Variants in PRKG1 observed in about 807,000 individuals in gnomAD.
PRKG1 encodes protein kinase cGMP-dependent 1, also known as cGMP-dependent protein kinase 1.
In PRKG1, 35 loss-of-function variants were observed where a neutral mutation model predicts 88.1. The ratio of observed to expected loss-of-function variants is 0.40; its 90% CI spans 0.30 to 0.53. The LOEUF (loss-of-function observed/expected upper bound fraction) is 0.53, where lower values mean the gene tolerates loss of function less well. Among genes scored for constraint, PRKG1 ranks in the 20% least tolerant of loss-of-function variants. The pLI, the probability that PRKG1 is intolerant of heterozygous loss-of-function variation, is 0.59. For synonymous variants in PRKG1, 303 were observed against 292.5 expected (o/e 1.04, Z -0.37); for missense variants, 540 against 839.8 (o/e 0.64, Z 4.41).
rs567195172 is a variant in PRKG1, at chr10:51,977,758, A to T, written c.762+70188A>T. On this transcript the variant is annotated intron_variant, in intron 5 of 17. Coordinates refer to ENST00000373980, the MANE Select transcript of PRKG1 (RefSeq NM_006258.4). The stretch of plus-strand genomic sequence containing the variant: ...TTTTTTTCATATGCTTATTGGCTGA[A>T]TATGTGTCTTCTTTTGAAAAGTGTT... Among the ~76,000 whole-genome samples the T allele has an allele frequency of 5.3e-5, 8 of 152,050 alleles. No homozygotes were observed. The East Asian group carries it at 1.5e-3, about 29-fold the overall frequency.
intron 1 of PRKG1, among the ~76,000 whole-genome samples, chr10:51,039,731 T>C (rs2132756231): frequency 6.6e-6 from 1 of 152,286 alleles, no homozygotes; most frequent in African/African-American, 2.4e-5. Flanking sequence ...GTTTGAGGTT[T>C]TACATTTAAG....
chr10:51,970,711 G>T (rs569259709), intron 5 of PRKG1, among the ~76,000 whole-genome samples: 27 of 136,142 alleles, frequency 2.0e-4, no homozygotes, highest in African/African-American at 7.9e-4. Flanking sequence ...TATATCATCT[G>T]ATATATATAT....
At chr10:51,562,660 T>C (rs1837497793) in intron 3 of PRKG1, among the ~76,000 whole-genome samples, 1 of 152,164 alleles carries the variant, frequency 6.6e-6, no homozygotes, top group Non-Finnish European at 1.5e-5. Context: ...TTGTCACAGC[T>C]GGAGTCTCTT....
intron 3 of PRKG1, among the ~76,000 whole-genome samples, chr10:51,737,740 A>AATTATTATT (rs200144590): frequency 0.01 from 1,390 of 133,146 alleles, 21 homozygotes; most frequent in Middle Eastern, 0.018. Flanking sequence ...TTTATTTATT[A>AATTATTATT]ATTATTATTA....
chr10:51,823,329 G>A (rs1361599006), intron 4 of PRKG1, among the ~76,000 whole-genome samples: 5 of 152,068 alleles, frequency 3.3e-5, no homozygotes, highest in Admixed American at 6.5e-5. Flanking sequence ...AATTTTAATG[G>A]AACTCATTAA....
chr10:51,285,873 C>G (rs1651525929), intron 2 of PRKG1, among the ~76,000 whole-genome samples: 1 of 152,174 alleles, frequency 6.6e-6, no homozygotes, highest in Non-Finnish European at 1.5e-5. Flanking sequence ...GAAGCAGGTG[C>G]AGCCGTAATT....
intron 2 of PRKG1, among the ~76,000 whole-genome samples, chr10:51,348,977 T>C (rs1209333788): frequency 2.0e-5 from 3 of 152,198 alleles, no homozygotes; most frequent in African/African-American, 7.2e-5. Flanking sequence ...AATAGCTCAC[T>C]TGGCGGCATT....
chr10:51,873,036 A>G (rs867968099), intron 4 of PRKG1, among the ~76,000 whole-genome samples: 1 of 152,166 alleles, frequency 6.6e-6, no homozygotes. Context: ...AGGAAGATGC[A>G]GTAAAACACT....
intron 3 of PRKG1, chr10:51,697,513 C>T (rs1841328057): frequency 3.2e-6 from 2 of 616,680 alleles, no homozygotes; most frequent in Non-Finnish European, 5.5e-6. Flanking sequence ...ACTCCCTCCT[C>T]CCCCCACCCT....
intron 4 of PRKG1, among the ~76,000 whole-genome samples, chr10:51,881,833 A>T (rs1345322671): frequency 6.6e-6 from 1 of 152,228 alleles, no homozygotes; most frequent in African/African-American, 2.4e-5. Flanking sequence ...TCACAACAAT[A>T]TAATGAAATA....
intron 3 of PRKG1, among the ~76,000 whole-genome samples, chr10:51,660,776 G>T (rs1319856724): frequency 6.6e-6 from 1 of 152,046 alleles, no homozygotes. Context: ...GCTTGGTGAT[G>T]CATGTTATGG....
chr10:52,251,796 T>C, intron 10 of PRKG1, 130 bp downstream of exon 10: 1 of 771,938 alleles, frequency 1.3e-6, no homozygotes, highest in Non-Finnish European at 2.0e-6. Flanking sequence ...CTAAATCAGT[T>C]CCAAATACTT....
Position 51,051,879 on chromosome 10 carries a change from A to G in PRKG1, c.266+60235A>G, listed in dbSNP as rs370725593. ...CCTAAGGCTTAAGAAAAATCGATTCAGGATGATAATACCACAAGTAAATAT... is the reference window on the plus strand; with the variant it reads ...CCTAAGGCTTAAGAAAAATCGATTCGGGATGATAATACCACAAGTAAATAT... On this transcript the variant is annotated intron_variant, in intron 1 of 17. Coordinates refer to the PRKG1 transcript ENST00000401604. 5.9e-5 allele frequency among the ~76,000 whole-genome samples: 9 copies of G among 152,284 alleles called. No homozygotes were observed. In the East Asian group the frequency reaches 1.7e-3, roughly 29 times the overall value.
At chr10:51,145,097 T>C (rs1156792505) in intron 1 of PRKG1, among the ~76,000 whole-genome samples, 6 of 152,162 alleles carry the variant, frequency 3.9e-5, no homozygotes, top group Non-Finnish European at 5.9e-5. Flanking sequence ...GTAATTGAAA[T>C]TACAACATGT....
At chr10:51,011,433 A>G (rs1221459180) in intron 1 of PRKG1, among the ~76,000 whole-genome samples, 5 of 152,210 alleles carry the variant, frequency 3.3e-5, no homozygotes. Context: ...CAAAATAAAA[A>G]AAATGTTTAA....
intron 3 of PRKG1, among the ~76,000 whole-genome samples, chr10:51,512,590 A>G (rs1323984622): frequency 2.5e-5 from 2 of 80,438 alleles, no homozygotes; most frequent in African/African-American, 9.8e-5. Flanking sequence ...AATCCAGTCT[A>G]TCATTGTTGG....
chr10:51,906,556 G>T (rs767739767), intron 4 of PRKG1, among the ~76,000 whole-genome samples: 1 of 152,142 alleles, frequency 6.6e-6, no homozygotes, highest in Non-Finnish European at 1.5e-5. Flanking sequence ...ATTGGCAATT[G>T]GTTATAAGAG....
At chr10:51,419,009 T>G (rs1431505000) in intron 2 of PRKG1, among the ~76,000 whole-genome samples, 1 of 152,182 alleles carries the variant, frequency 6.6e-6, no homozygotes, top group Non-Finnish European at 1.5e-5. Context: ...TACGTAGTTA[T>G]TTCTGATAAG....
At chr10:51,286,609 A>G (rs904279732) in intron 2 of PRKG1, among the ~76,000 whole-genome samples, 1 of 152,176 alleles carries the variant, frequency 6.6e-6, no homozygotes, top group Non-Finnish European at 1.5e-5. Flanking sequence ...CAGTTATTAT[A>G]ATTGTACTTA....
Sources: gnomAD v4.1 joint callset for allele counts (sites outside exome capture counted in the v4.1 genomes callset) on GRCh38, gnomAD v4.1.1 for gene constraint, MANE v1.5 for transcripts, NCBI Gene and HGNC (gene_info 2026-07-23, HGNC 2026-07-21) for gene names.